Variants in CRPPA observed in about 807,000 individuals in gnomAD.
The protein encoded by CRPPA is D-ribitol-5-phosphate cytidylyltransferase.
A neutral mutation model predicts 52.0 loss-of-function variants in CRPPA; 43 were observed. The observed-to-expected ratio is 0.83, with a 90% CI of 0.65 to 1.07. CRPPA has a LOEUF of 1.07. CRPPA is among the 50% of genes least tolerant of loss of function. The pLI is 0.00. For synonymous variants in CRPPA, 250 were observed against 203.5 expected (o/e 1.23, Z -1.94); for missense variants, 629 against 551.7 (o/e 1.14, Z -1.40).
chr7:16,343,202 AT>A (rs968404270), intron 3 of CRPPA, among the ~76,000 whole-genome samples: 12 of 152,262 alleles, frequency 7.9e-5, no homozygotes, highest in African/African-American at 2.2e-4. Context: ...GATCAAAATC[AT>A]TTTTTTTTAA....
chr7:16,252,812 C>T lies in CRPPA; in HGVS notation c.1119+5578G>A, dbSNP rs181161761. On this transcript the variant is annotated intron_variant, in intron 8 of 9. Coordinates refer to ENST00000407010, the MANE Select transcript of CRPPA (RefSeq NM_001101426.4). ...GTTATTGGTCTATTCAGGGATTCAACTTCTTCCTGCTTTAGCCTTGGGAGG... is the reference window on the plus strand; with the variant it reads ...GTTATTGGTCTATTCAGGGATTCAATTTCTTCCTGCTTTAGCCTTGGGAGG... Among the ~76,000 whole-genome samples the T allele has an allele frequency of 1.2e-3, 180 of 152,218 alleles. 1 individual carries two copies. Among genetic ancestry groups the T allele is most frequent in the African/African-American group, 4.1e-3 (171 of 41,546 alleles).
At chr7:16,300,554 G>C (rs1050098803) in intron 5 of CRPPA, among the ~76,000 whole-genome samples, 1 of 152,130 alleles carries the variant, frequency 6.6e-6, no homozygotes, top group Non-Finnish European at 1.5e-5. Flanking sequence ...TATCCCTAGG[G>C]AACATTTGGC....
chr7:16,381,370 T>G (rs1298005150), intron 2 of CRPPA, among the ~76,000 whole-genome samples: 1 of 151,872 alleles, frequency 6.6e-6, no homozygotes. Context: ...TTGTTATAAT[T>G]TCTGTTCTTT....
At chr7:16,292,087 T>C (rs1165510930) in intron 5 of CRPPA, among the ~76,000 whole-genome samples, 2 of 151,934 alleles carry the variant, frequency 1.3e-5, no homozygotes, top group African/African-American at 4.8e-5. Flanking sequence ...ACATTAGCCA[T>C]TGTGTACCAA....
chr7:16,357,231 T>A (rs1377113084), intron 3 of CRPPA, among the ~76,000 whole-genome samples: 1 of 152,094 alleles, frequency 6.6e-6, no homozygotes, highest in Non-Finnish European at 1.5e-5. Flanking sequence ...CAGGCTAGAG[T>A]GCAGAGGCAC....
At chr7:16,249,099 G>A (rs1205506576) in intron 8 of CRPPA, among the ~76,000 whole-genome samples, 1 of 152,164 alleles carries the variant, frequency 6.6e-6, no homozygotes, top group Admixed American at 6.5e-5. Flanking sequence ...TGTAAACAAA[G>A]GCACTGGGTG....
intron 9 of CRPPA, among the ~76,000 whole-genome samples, chr7:16,138,936 G>A (rs1414017239): frequency 1.3e-5 from 2 of 152,024 alleles, no homozygotes; most frequent in Non-Finnish European, 2.9e-5. Flanking sequence ...TGAGTAGCTG[G>A]GATTACAGGT....
intron 3 of CRPPA, among the ~76,000 whole-genome samples, chr7:16,316,141 A>G (rs1006693879): frequency 6.6e-6 from 1 of 152,120 alleles, no homozygotes; most frequent in Non-Finnish European, 1.5e-5. Context: ...TATTCTATAC[A>G]GAAGAGGAAC....
At chr7:16,174,100 A>G (rs1781246035) in intron 9 of CRPPA, among the ~76,000 whole-genome samples, 1 of 152,202 alleles carries the variant, frequency 6.6e-6, no homozygotes, top group African/African-American at 2.4e-5. Flanking sequence ...CACTTCAAAA[A>G]AAAATTAACT....
intron 8 of CRPPA, among the ~76,000 whole-genome samples, chr7:16,241,491 T>C (rs190836142): frequency 4.6e-5 from 7 of 152,326 alleles, no homozygotes; most frequent in African/African-American, 1.4e-4. Flanking sequence ...ACTTTTGCTA[T>C]GGAAAATGCG....
intron 9 of CRPPA, among the ~76,000 whole-genome samples, chr7:16,175,377 A>T (rs765437732): frequency 3.9e-5 from 6 of 152,196 alleles, no homozygotes; most frequent in Non-Finnish European, 7.3e-5. Context: ...ACTTTTAACT[A>T]CATTTTTATA....
rs75884291 is a variant in CRPPA at position 16,283,910 on chromosome 7, T to C, written c.836-5684A>G. The stretch of plus-strand genomic sequence containing the variant: ...AGGATACTTGATAGGCATTCAATAA[T>C]ATTTGTTAAATTGAGGGAAATACAA... On this transcript the variant is annotated intron_variant, in intron 5 of 9. Coordinates refer to ENST00000407010, the MANE Select transcript of CRPPA (RefSeq NM_001101426.4). Among the ~76,000 whole-genome samples the C allele has an allele frequency of 7.0e-3, 1,065 of 152,164 alleles. 74 individuals carry two copies. In the East Asian group the frequency reaches 0.18, roughly 25 times the overall value.
chr7:16,348,258 A>C (rs1583538361), intron 3 of CRPPA, among the ~76,000 whole-genome samples: 1 of 152,188 alleles, frequency 6.6e-6, no homozygotes, highest in African/African-American at 2.4e-5. Flanking sequence ...TACTGCTTCC[A>C]CTTCAGAAAT....
chr7:16,148,051 C>T (rs1320915733), intron 9 of CRPPA, among the ~76,000 whole-genome samples: 2 of 152,146 alleles, frequency 1.3e-5, no homozygotes, highest in Non-Finnish European at 2.9e-5. Context: ...TATTGTCTAT[C>T]CCTGAACTGC....
In CRPPA at chr7:16,089,449, A is replaced by G. The variant is rs748461491; in HGVS notation, c.*2246T>C. 5.9e-6 allele frequency: 2 copies of G among 341,304 alleles called. No homozygotes were observed. The highest frequency in any genetic ancestry group is 4.3e-5 in the African/African-American group (2 of 46,822). 21.1% of individuals were successfully genotyped at this position (341,304 alleles called of 1,614,324 possible). A position where few individuals can be genotyped will look rare whatever the true frequency, so the allele number is the denominator to read the frequency against. On this transcript the variant is annotated 3_prime_UTR_variant, in exon 10 of 10. Transcript: ENST00000407010. ...CATATATGTGTATATATGTACGTGC[A>G]TACATATATGTGTATATATGTACGT... is the stretch of plus-strand genomic sequence containing the variant.
chr7:16,348,552 A>AAG (rs1335700092), intron 3 of CRPPA, among the ~76,000 whole-genome samples: 2 of 152,200 alleles, frequency 1.3e-5, no homozygotes, highest in Non-Finnish European at 2.9e-5. Context: ...GCGTCTCCTG[A>AAG]AGAGGACCAA....
At chr7:16,161,650 T>C (rs573988630) in intron 9 of CRPPA, among the ~76,000 whole-genome samples, 1 of 152,340 alleles carries the variant, frequency 6.6e-6, no homozygotes, top group East Asian at 1.9e-4. Flanking sequence ...ATTTTGTTTT[T>C]TTTGTGTGTG....
chr7:16,335,199 A>T (rs77461402), intron 3 of CRPPA, among the ~76,000 whole-genome samples: 3 of 151,442 alleles, frequency 2.0e-5, no homozygotes, highest in Non-Finnish European at 4.4e-5. Flanking sequence ...TAAAAAAAAA[A>T]GAGTCAGGTG....
chr7:16,388,432 C>CATTTT (rs1787351709), intron 2 of CRPPA, among the ~76,000 whole-genome samples: 2 of 151,898 alleles, frequency 1.3e-5, no homozygotes, highest in Non-Finnish European at 2.9e-5. Flanking sequence ...ACTGTAAATG[C>CATTTT]CTATATAAAA....
Sources: gnomAD v4.1 joint callset for allele counts (sites outside exome capture counted in the v4.1 genomes callset) on GRCh38, gnomAD v4.1.1 for gene constraint, MANE v1.5 for transcripts, NCBI Gene and HGNC (gene_info 2026-07-23, HGNC 2026-07-21) for gene names.